The following ZMAT1 variants were observed in gnomAD, a reference collection of about 807,000 sequenced individuals.
ZMAT1 encodes the protein zinc finger matrin-type protein 1.
ZMAT1 carries 11 observed loss-of-function variants against 18.5 expected under a neutral mutation model. The ratio of observed to expected loss-of-function variants is 0.59; its 90% CI spans 0.37 to 0.98. The LOEUF (loss-of-function observed/expected upper bound fraction) is 0.98, where lower values mean the gene tolerates loss of function less well. Ranked by LOEUF, ZMAT1 falls within the 50% of genes least tolerant of loss-of-function variation. ZMAT1 has a pLI of 0.01. For synonymous variants in ZMAT1, 211 were observed against 176.4 expected (o/e 1.20, Z -1.55); for missense variants, 525 against 496.2 (o/e 1.06, Z -0.55).
intron 1 of ZMAT1, among the ~76,000 whole-genome samples, chrX:101,912,228 A>T (rs768575844): frequency 6.2e-5 from 7 of 112,119 alleles, no homozygotes; most frequent in Admixed American, 2.8e-4. Flanking sequence ...GTTCACACTG[A>T]TGGGAAATGA....
chrX:101,920,075 C>T (rs1929622097), intron 1 of ZMAT1, among the ~76,000 whole-genome samples: 3 of 107,755 alleles, frequency 2.8e-5, no homozygotes, highest in Non-Finnish European at 5.8e-5. Context: ...AGGTCCTACC[C>T]TTTACTCGGG....
rs749833447 is a variant in ZMAT1, at chrX:101,913,556, T to C, written c.293-9226A>G. Among the ~76,000 whole-genome samples, 30 of 111,479 alleles carry C rather than the reference T, an allele frequency of 2.7e-4. No homozygotes were observed. The East Asian group carries it at 3.1e-3, about 12-fold the overall frequency. ...GTCACTATACTTAGATCAGACAAAA[T>C]TGATTTCAAGACCAAAACTGTAAGA... On this transcript the variant is annotated intron_variant, in intron 1 of 5. Coordinates refer to ENST00000651725, the MANE Select transcript of ZMAT1 (RefSeq NM_001394560.1).
intron 1 of ZMAT1, among the ~76,000 whole-genome samples, chrX:101,918,129 G>T (rs978864768): frequency 1.4e-4 from 16 of 111,301 alleles, no homozygotes; most frequent in African/African-American, 5.2e-4. Flanking sequence ...GCACAACAAG[G>T]TGCTTATTGT....
chrX:101,930,939 G>A (rs1256119470), intron 1 of ZMAT1, among the ~76,000 whole-genome samples: 3 of 112,024 alleles, frequency 2.7e-5, no homozygotes, highest in Non-Finnish European at 5.6e-5. Context: ...AGGTACAACA[G>A]AACTTATTAA....
rs1332209520 is a variant in ZMAT1, at chrX:101,894,709, GAGA to G, written c.676+3156_676+3158del. ...AGAAAACAAAAAAGAAACAGAAATA[GAGA>G]AGAACCAGAGCATAAAGAGTTACAT... On this transcript the variant is annotated intron_variant, in intron 4 of 5. Coordinates refer to ENST00000651725, the MANE Select transcript of ZMAT1 (RefSeq NM_001394560.1). 4.0e-6 allele frequency: 3 copies of G among 741,076 alleles called. No individual in the cohort carries two copies. In the African/African-American group the frequency reaches 7.0e-5, roughly 17 times the overall value. 61.1% of individuals were successfully genotyped at this position (741,076 alleles called of 1,213,427 possible). A position where few individuals can be genotyped will look rare whatever the true frequency, so the allele number is the denominator to read the frequency against.
Position 101,931,826 on chromosome X carries a change from G to C in ZMAT1, c.183C>G (p.Ala61=), listed in dbSNP as rs1930521133. ...CGCCGCCGCCGTCGCCACAGCCACC[G>C]GCAGGCGGGCAGGCAGGGGCGGAGG... ...SATSAPACPP[A]GGCGDGGGGG... The change falls in exon 1 of 6, where the codon GCC becomes GCG. Residue 61 remains alanine, a synonymous_variant. Transcript: ENST00000651725. 6 of 786,503 alleles carry C rather than the reference G, an allele frequency of 7.6e-6. No homozygotes were observed. Among genetic ancestry groups the C allele is most frequent in the Non-Finnish European group, 9.1e-6 (6 of 662,865 alleles). 64.8% of individuals were successfully genotyped at this position (786,503 alleles called of 1,213,427 possible).
chrX:101,893,036 GCC>G (rs1260288557), intron 4 of ZMAT1, among the ~76,000 whole-genome samples: 2 of 111,763 alleles, frequency 1.8e-5, no homozygotes, highest in African/African-American at 6.5e-5. Flanking sequence ...AAATGAAAGA[GCC>G]AAGGTAGGGT....
At chrX:101,912,065 A>G in intron 1 of ZMAT1, 1 of 1,121,317 alleles carries the variant, frequency 8.9e-7, no homozygotes, top group Non-Finnish European at 1.2e-6. Flanking sequence ...GAGAATTCAC[A>G]CTGGATAAAC....
chrX:101,897,543 C>CT (rs1927910065), intron 4 of ZMAT1, among the ~76,000 whole-genome samples: 1 of 93,719 alleles, frequency 1.1e-5, no homozygotes, highest in Non-Finnish European at 2.1e-5. Context: ...AAGTGTCTAT[C>CT]TAAAAAAAAA....
chrX:101,930,537 G>A (rs766978718), intron 1 of ZMAT1, among the ~76,000 whole-genome samples: 1 of 112,000 alleles, frequency 8.9e-6, no homozygotes, highest in African/African-American at 3.2e-5. Context: ...TAGCACACAG[G>A]GATATATCAT....
At chrX:101,912,453 G>C (rs1214004246) in intron 1 of ZMAT1, among the ~76,000 whole-genome samples, 1 of 112,465 alleles carries the variant, frequency 8.9e-6, no homozygotes, top group Non-Finnish European at 1.9e-5. Context: ...AAATTGGTGA[G>C]AAATCCAACA....
chrX:101,902,800 A>G (rs986038591), intron 2 of ZMAT1, among the ~76,000 whole-genome samples: 7 of 112,036 alleles, frequency 6.2e-5, no homozygotes, highest in African/African-American at 2.3e-4. Flanking sequence ...ATAAGCACAG[A>G]CACAAAAGAA....
At chrX:101,903,227 C>T (rs1928374083) in intron 2 of ZMAT1, among the ~76,000 whole-genome samples, 1 of 111,460 alleles carries the variant, frequency 9.0e-6, no homozygotes, top group Admixed American at 9.5e-5. Flanking sequence ...TTTGATTTCA[C>T]TTAATTCTCA....
intron 1 of ZMAT1, among the ~76,000 whole-genome samples, chrX:101,929,442 T>C (rs1436733166): frequency 1.3e-5 from 1 of 78,292 alleles, no homozygotes; most frequent in African/African-American, 7.1e-5. Context: ...TATATATATA[T>C]ATATATATAT....
chrX:101,922,487 G>C (rs762755018), intron 1 of ZMAT1, among the ~76,000 whole-genome samples: 122 of 109,453 alleles, frequency 1.1e-3, no homozygotes, highest in Non-Finnish European at 1.9e-3. Context: ...TCTGCCTCCG[G>C]GGTTCAAGTG....
chrX:101,931,389 G>C, intron 1 of ZMAT1: 2 of 720,004 alleles, frequency 2.8e-6, no homozygotes, highest in Non-Finnish European at 3.3e-6. Flanking sequence ...GCTTCCTACA[G>C]CACACTAAGG....
chrX:101,929,611 T>C (rs1930352342), intron 1 of ZMAT1, among the ~76,000 whole-genome samples: 1 of 109,427 alleles, frequency 9.1e-6, no homozygotes, highest in African/African-American at 3.3e-5. Flanking sequence ...GAATGAAGGA[T>C]ATATAGCTAA....
chrX:101,896,503 A>G (rs753961452), intron 4 of ZMAT1, among the ~76,000 whole-genome samples: 38 of 112,378 alleles, frequency 3.4e-4, no homozygotes, highest in Non-Finnish European at 7.0e-4. Context: ...ATTAGAGACT[A>G]AATTTAAAAA....
At chrX:101,911,239 CG>C (rs1262599071) in intron 1 of ZMAT1, among the ~76,000 whole-genome samples, 1 of 111,578 alleles carries the variant, frequency 9.0e-6, no homozygotes, top group Non-Finnish European at 1.9e-5. Context: ...CAAATGCTGA[CG>C]GATTTCATCA....
Sources: gnomAD v4.1 joint callset for allele counts (sites outside exome capture counted in the v4.1 genomes callset) on GRCh38, gnomAD v4.1.1 for gene constraint, MANE v1.5 for transcripts, NCBI Gene and HGNC (gene_info 2026-07-23, HGNC 2026-07-21) for gene names.